Variants in UBTD1 observed in about 807,000 individuals in gnomAD.
UBTD1 encodes ubiquitin domain-containing protein 1.
Under a neutral mutation model 21.7 loss-of-function variants are expected in UBTD1, and 19 were observed. That is an observed-to-expected ratio of 0.87 (90% CI 0.61 to 1.28). The LOEUF (loss-of-function observed/expected upper bound fraction) is 1.28. UBTD1 is among the 50% of genes most tolerant of loss of function. The pLI is 0.00. For missense variants in UBTD1, 282 were observed against 315.1 expected (o/e 0.89, Z 0.80); for synonymous variants, 116 against 135.1 (o/e 0.86, Z 0.98).
intron 1 of UBTD1, among the ~76,000 whole-genome samples, chr10:97,523,373 C>T (rs2040474711): frequency 6.6e-6 from 1 of 152,188 alleles, no homozygotes; most frequent in African/African-American, 2.4e-5. Flanking sequence ...CTATTGTGTT[C>T]TCCCAGCACC....
At chr10:97,529,568 C>G (rs1336758933) in intron 1 of UBTD1, among the ~76,000 whole-genome samples, 2 of 150,038 alleles carry the variant, frequency 1.3e-5, no homozygotes, top group African/African-American at 4.9e-5. Flanking sequence ...TGGAGACCAG[C>G]CCGGCCATCA....
chr10:97,516,898 G>GCA (rs2040447094), intron 1 of UBTD1, among the ~76,000 whole-genome samples: 1 of 152,212 alleles, frequency 6.6e-6, no homozygotes, highest in Non-Finnish European at 1.5e-5. Context: ...GGTGCAGGGA[G>GCA]GGGAGGGCAG....
chr10:97,504,677 G>A (rs2040391227), intron 1 of UBTD1, among the ~76,000 whole-genome samples: 3 of 152,212 alleles, frequency 2.0e-5, no homozygotes, highest in African/African-American at 7.2e-5. Flanking sequence ...GTGATACCAA[G>A]AGCAGTGCCT....
chr10:97,507,508 C>T (rs2040404040), intron 1 of UBTD1, among the ~76,000 whole-genome samples: 1 of 151,718 alleles, frequency 6.6e-6, no homozygotes, highest in South Asian at 2.1e-4. Flanking sequence ...GGCACGGTGG[C>T]TCATGCCTGT....
At chr10:97,519,610 G>A (rs771928254) in intron 1 of UBTD1, among the ~76,000 whole-genome samples, 2 of 152,186 alleles carry the variant, frequency 1.3e-5, no homozygotes, top group Non-Finnish European at 2.9e-5. Flanking sequence ...TGGGGCAAGT[G>A]TGAAATTTGA....
intron 1 of UBTD1, among the ~76,000 whole-genome samples, chr10:97,566,646 A>G (rs2040718230): frequency 6.6e-6 from 1 of 152,246 alleles, no homozygotes; most frequent in Non-Finnish European, 1.5e-5. Flanking sequence ...TATATAAATA[A>G]AGGCTTGCCT....
intron 1 of UBTD1, among the ~76,000 whole-genome samples, chr10:97,531,210 G>T (rs1440127612): frequency 8.3e-6 from 1 of 120,882 alleles, no homozygotes; most frequent in Admixed American, 9.5e-5. Flanking sequence ...TTTAACATAT[G>T]CCATCTTTTT....
In UBTD1 at chr10:97,499,152, C is replaced by T; in HGVS notation, c.-52C>T. 1.3e-6 allele frequency: 2 copies of T among 1,495,572 alleles called. No homozygotes were observed. Among genetic ancestry groups the T allele is most frequent in the Non-Finnish European group, 1.8e-6 (2 of 1,117,510 alleles). The allele number at this position is 1,495,572 out of a possible 1,614,324, so 92.6% of individuals were successfully genotyped here. A position where few individuals can be genotyped will look rare whatever the true frequency, so the allele number is the denominator to read the frequency against. ...ACCCGGGACGCCGCCGTCCGCTGAG[C>T]AGCCGACCACCCCGCCGCCTCCGGT... On this transcript the variant is annotated 5_prime_UTR_variant, in exon 1 of 3. Transcript: ENST00000370664.
At chr10:97,537,471 A>T (rs1485398000) in intron 1 of UBTD1, among the ~76,000 whole-genome samples, 1 of 152,170 alleles carries the variant, frequency 6.6e-6, no homozygotes, top group Non-Finnish European at 1.5e-5. Flanking sequence ...TGGATTCTTG[A>T]TCAGAAATGC....
Position 97,531,903 on chromosome 10 carries a change from T to C in UBTD1, c.70+32630T>C, listed in dbSNP as rs139281687. Among the ~76,000 whole-genome samples, 112 of 152,106 alleles carry C rather than the reference T, an allele frequency of 7.4e-4. 3 individuals carry two copies. In the East Asian group the frequency reaches 0.013, roughly 18 times the overall value. On this transcript the variant is annotated intron_variant, in intron 1 of 2. Coordinates refer to ENST00000370664, the MANE Select transcript of UBTD1 (RefSeq NM_024954.5). Reference sequence around the variant, plus strand: ...TTGCTAAGAATTTACCACCAGGAGGTAGTCTCCAAATGGGTCCCAGAATAG... The same window carrying C: ...TTGCTAAGAATTTACCACCAGGAGGCAGTCTCCAAATGGGTCCCAGAATAG...
At chr10:97,513,555 G>A (rs954642185) in intron 1 of UBTD1, among the ~76,000 whole-genome samples, 1 of 152,160 alleles carries the variant, frequency 6.6e-6, no homozygotes, top group East Asian at 1.9e-4. Context: ...ATTTGAGGAA[G>A]TGGTACAGGT....
chr10:97,564,376 A>C (rs1009842624), intron 1 of UBTD1, among the ~76,000 whole-genome samples: 1 of 152,014 alleles, frequency 6.6e-6, no homozygotes, highest in African/African-American at 2.4e-5. Context: ...CTTATGGGGG[A>C]AGTTTACATT....
intron 1 of UBTD1, among the ~76,000 whole-genome samples, chr10:97,535,767 A>G (rs1303622680): frequency 1.3e-5 from 2 of 151,428 alleles, no homozygotes; most frequent in Non-Finnish European, 2.9e-5. Flanking sequence ...TTTTTTTTTT[A>G]ATTAGCTAGG....
chr10:97,524,094 A>G (rs1206826041), intron 1 of UBTD1, among the ~76,000 whole-genome samples: 1 of 152,018 alleles, frequency 6.6e-6, no homozygotes, highest in Non-Finnish European at 1.5e-5. Context: ...TCCCACCCTG[A>G]TCACAGTGCC....
intron 1 of UBTD1, among the ~76,000 whole-genome samples, chr10:97,543,558 C>T (rs1447499471): frequency 6.6e-6 from 1 of 152,196 alleles, no homozygotes; most frequent in Non-Finnish European, 1.5e-5. Context: ...GTAAGGCAGA[C>T]TGATGAGTGG....
At chr10:97,560,915 A>AATATGAGAGGGTCTCTCTCTTCCCTCACG (rs1564744612) in intron 1 of UBTD1, among the ~76,000 whole-genome samples, 10 of 112,034 alleles carry the variant, frequency 8.9e-5, no homozygotes, top group Middle Eastern at 4.4e-3. Flanking sequence ...CCAGAAATCC[A>AATATGAGAGGGTCTCTCTCTTCCCTCACG]AGCCAGGTCA....
chr10:97,528,909 C>T (rs1441154742), intron 1 of UBTD1, among the ~76,000 whole-genome samples: 3 of 149,754 alleles, frequency 2.0e-5, no homozygotes, highest in Non-Finnish European at 4.5e-5. Flanking sequence ...TGACCCCCCA[C>T]CTCCCTCCTG....
chr10:97,541,728 ATTTTTTT>A (rs975827062), intron 1 of UBTD1, among the ~76,000 whole-genome samples: 4 of 98,890 alleles, frequency 4.0e-5, no homozygotes, highest in Non-Finnish European at 6.0e-5. Flanking sequence ...GTCCTCTCTG[ATTTTTTT>A]TTTTTTTTTT....
chr10:97,550,307 G>A (rs2040630857), intron 1 of UBTD1, among the ~76,000 whole-genome samples: 1 of 152,196 alleles, frequency 6.6e-6, no homozygotes, highest in Non-Finnish European at 1.5e-5. Flanking sequence ...GTATAAATAG[G>A]GCTGTTTCCT....
Sources: gnomAD v4.1 joint callset for allele counts (sites outside exome capture counted in the v4.1 genomes callset) on GRCh38, gnomAD v4.1.1 for gene constraint, MANE v1.5 for transcripts, NCBI Gene and HGNC (gene_info 2026-07-23, HGNC 2026-07-21) for gene names.